SLC35F3: variants seen among roughly 807,000 people sequenced by gnomAD.
SLC35F3 encodes solute carrier family 35 member F3, also known as putative thiamine transporter SLC35F3.
Under a neutral mutation model 49.9 loss-of-function variants are expected in SLC35F3, and 25 were observed. The ratio of observed to expected loss-of-function variants is 0.50; its 90% confidence interval spans 0.37 to 0.70. The LOEUF (loss-of-function observed/expected upper bound fraction) is 0.70. SLC35F3 is among the 30% of genes least tolerant of loss of function. SLC35F3 has a pLI of 0.00. For synonymous variants in SLC35F3, 275 were observed against 265.4 expected, an observed-to-expected ratio of 1.04 and a Z score of -0.35; for missense variants, 525 against 639.8, an observed-to-expected ratio of 0.82 and a Z score of 1.94.
At chr1:234,230,678 G>A (rs960172731) in intron 2 of SLC35F3, among the ~76,000 whole-genome samples, 1 of 152,226 alleles carries the variant, frequency 6.6e-6, no homozygotes, top group East Asian at 1.9e-4. Context: ...CTGCAGCCTG[G>A]TTTCCAGAAA....
At chr1:234,269,920 C>T (rs981631574) in intron 3 of SLC35F3, among the ~76,000 whole-genome samples, 5 of 152,172 alleles carry the variant, frequency 3.3e-5, no homozygotes, top group African/African-American at 1.2e-4. Context: ...CGGAGGCCTC[C>T]CCAGAAGCAG....
chr1:234,200,117 G>T (rs1231333810), intron 2 of SLC35F3, among the ~76,000 whole-genome samples: 1 of 152,156 alleles, frequency 6.6e-6, no homozygotes, highest in Non-Finnish European at 1.5e-5. Context: ...ATATGATCCA[G>T]TAACCCCACT....
At chr1:234,020,709 G>A (rs1054781886) in intron 2 of SLC35F3, among the ~76,000 whole-genome samples, 1 of 152,074 alleles carries the variant, frequency 6.6e-6, no homozygotes, top group African/African-American at 2.4e-5. Context: ...GTGTGTGTGT[G>A]AATTACTATT....
intron 2 of SLC35F3, among the ~76,000 whole-genome samples, chr1:234,122,563 T>G (rs1665591886): frequency 6.6e-6 from 1 of 152,148 alleles, no homozygotes; most frequent in Admixed American, 6.5e-5. Context: ...CAACCCATCA[T>G]CTAGGTTTTA....
Position 234,231,681 on chromosome 1 carries a change from TG to T in SLC35F3, c.549del (p.Leu183PhefsTer16). The T allele has an allele frequency of 6.2e-7, 1 of 1,614,146 alleles. No individual in the cohort carries two copies. Among genetic ancestry groups the T allele is most frequent in the Non-Finnish European group, 8.5e-7 (1 of 1,180,000 alleles). Reference sequence around the variant, plus strand: ...AACTGGAACTTTTTATTCTTCCCGTTGTACTACGTGGGGCACGTCTGCAAGT... The same window carrying T: ...AACTGGAACTTTTTATTCTTCCCGTTTACTACGTGGGGCACGTCTGCAAGT... ...ATNWNFLFFP[L>X]YYVGHVCKST... On this transcript the variant is annotated frameshift_variant, in exon 3 of 8. Transcript: ENST00000366618. LOFTEE classifies it high-confidence loss of function. This position sits in a 1 kb window ranked among gnomAD's most constrained non-coding sequence, Gnocchi z 5.4.
intron 3 of SLC35F3, among the ~76,000 whole-genome samples, chr1:234,240,470 T>G (rs1201163328): frequency 6.6e-6 from 1 of 151,728 alleles, no homozygotes; most frequent in African/African-American, 2.4e-5. Flanking sequence ...CTGGACATGG[T>G]GGCACGTCCC....
chr1:234,172,512 G>T (rs912847131), intron 2 of SLC35F3, among the ~76,000 whole-genome samples: 1 of 152,188 alleles, frequency 6.6e-6, no homozygotes, highest in African/African-American at 2.4e-5. Flanking sequence ...CAGGTGTGAG[G>T]CACCTGGCCG....
chr1:234,259,931 C>A (rs1191558872), intron 3 of SLC35F3, among the ~76,000 whole-genome samples: 2 of 151,946 alleles, frequency 1.3e-5, no homozygotes, highest in African/African-American at 4.8e-5. Flanking sequence ...CATTCAGACC[C>A]CTTTCATTAA....
chr1:233,963,287 T>C (rs557268639), intron 2 of SLC35F3, among the ~76,000 whole-genome samples: 1 of 151,446 alleles, frequency 6.6e-6, no homozygotes, highest in African/African-American at 2.4e-5. Context: ...AGCTTTCTTT[T>C]TTCTTTCTTT....
chr1:234,186,467 G>C (rs1312183330), intron 2 of SLC35F3, among the ~76,000 whole-genome samples: 2 of 152,096 alleles, frequency 1.3e-5, no homozygotes, highest in African/African-American at 4.8e-5. Flanking sequence ...CTGAGAAGGA[G>C]ACAAGCTGGG....
chr1:234,044,922 G>A (rs143253837), intron 2 of SLC35F3, among the ~76,000 whole-genome samples: 97 of 152,262 alleles, frequency 6.4e-4, no homozygotes, highest in African/African-American at 2.1e-3. Flanking sequence ...GAGGCCAACC[G>A]GTTGAGTTCA....
chr1:234,267,533 C>G (rs1280424326), intron 3 of SLC35F3, among the ~76,000 whole-genome samples: 5 of 148,520 alleles, frequency 3.4e-5, no homozygotes, highest in Non-Finnish European at 7.4e-5. Flanking sequence ...CCCTCCCGGA[C>G]GGGGCGGCTG....
At chr1:234,322,682 T>TGTGTGTGTGTGC (rs1189546893) in intron 7 of SLC35F3, among the ~76,000 whole-genome samples, 1 of 150,534 alleles carries the variant, frequency 6.6e-6, no homozygotes, top group Non-Finnish European at 1.5e-5. Context: ...TGTGTGTGTG[T>TGTGTGTGTGTGC]GTGTACTATC....
chr1:233,914,976 A>G (rs1049195822), intron 2 of SLC35F3, among the ~76,000 whole-genome samples: 21 of 152,196 alleles, frequency 1.4e-4, no homozygotes, highest in African/African-American at 4.3e-4. Flanking sequence ...CATGCAGCTT[A>G]ATTTATGACA....
intron 3 of SLC35F3, among the ~76,000 whole-genome samples, chr1:234,247,080 C>T (rs962405503): frequency 6.6e-6 from 1 of 152,196 alleles, no homozygotes; most frequent in Non-Finnish European, 1.5e-5. Flanking sequence ...TGAAACCAAA[C>T]AGGTGGGAGC....
At chr1:234,216,532 G>C (rs1667125063) in intron 2 of SLC35F3, among the ~76,000 whole-genome samples, 1 of 152,182 alleles carries the variant, frequency 6.6e-6, no homozygotes, top group South Asian at 2.1e-4. Flanking sequence ...CCCCCAAAAA[G>C]TCCCTTAGGG....
chr1:234,268,948 C>G (rs1449889207), intron 3 of SLC35F3: 1 of 152,164 alleles, frequency 6.6e-6, no homozygotes, highest in African/African-American at 2.4e-5. Context: ...CATACACACA[C>G]AGACACATAT....
intron 2 of SLC35F3, among the ~76,000 whole-genome samples, chr1:233,911,208 G>A (rs114129150): frequency 0.011 from 1,677 of 152,220 alleles, 31 homozygotes; most frequent in African/African-American, 0.038. Flanking sequence ...CGTAGATACC[G>A]GTGCTAAATG....
chr1:234,312,182 G>A (rs1485419807), intron 4 of SLC35F3, among the ~76,000 whole-genome samples: 1 of 152,146 alleles, frequency 6.6e-6, no homozygotes, highest in Non-Finnish European at 1.5e-5. Flanking sequence ...GCTGCAGCCA[G>A]GCTGAGTGAG....
Sources: gnomAD v4.1 joint callset for allele counts (sites outside exome capture counted in the v4.1 genomes callset) on GRCh38, gnomAD v4.1.1 for gene constraint, Gnocchi (gnomAD v3.1) non-coding constraint, MANE v1.5 for transcripts, NCBI Gene and HGNC (gene_info 2026-07-23, HGNC 2026-07-21) for gene names.